LIN9: variants seen among roughly 807,000 people sequenced by gnomAD.
LIN9 encodes the protein protein lin-9 homolog.
Under a neutral mutation model 78.0 loss-of-function variants are expected in LIN9, and 18 were observed. The ratio of observed to expected loss-of-function variants is 0.23; its 90% CI spans 0.16 to 0.34. The LOEUF (loss-of-function observed/expected upper bound fraction) is 0.34, where lower values mean the gene tolerates loss of function less well. LIN9 is among the 10% of genes least tolerant of loss of function. The pLI is 1.00. For missense variants in LIN9, 451 were observed against 644.1 expected (o/e 0.70, Z 3.25); for synonymous variants, 192 against 215.2 (o/e 0.89, Z 0.94).
intron 10 of LIN9, among the ~76,000 whole-genome samples, chr1:226,262,239 A>T (rs1455126991): frequency 6.6e-6 from 1 of 152,244 alleles, no homozygotes; most frequent in Non-Finnish European, 1.5e-5. Flanking sequence ...TTTAGATATG[A>T]CATCAAGGGC....
intron 10 of LIN9, among the ~76,000 whole-genome samples, chr1:226,264,718 G>A (rs1006882092): frequency 6.6e-6 from 1 of 152,006 alleles, no homozygotes; most frequent in Non-Finnish European, 1.5e-5. Flanking sequence ...GCATAGTGGT[G>A]CATGCCTGTA....
intron 11 of LIN9, among the ~76,000 whole-genome samples, chr1:226,241,630 G>T (rs533806203): frequency 6.6e-6 from 1 of 152,030 alleles, no homozygotes; most frequent in Non-Finnish European, 1.5e-5. Flanking sequence ...AGGCTGAGGC[G>T]GGTGGATCAC....
Position 226,295,923 on chromosome 1 carries a change from A to C in LIN9, c.183T>G (p.Ser61Arg). 1 of 1,611,854 alleles carries C rather than the reference A, an allele frequency of 6.2e-7. No individual in the cohort carries two copies. The highest frequency in any genetic ancestry group is 8.5e-7 in the Non-Finnish European group (1 of 1,179,198). ...VEMPFRNSKR[S>R]RLFSDEDDRQ... ...TATCATCTTCATCAGAAAAAAGTCG[A>C]CTTCGTTTTGAATTTCTGAAAGGCT... Residue 61 changes from serine (S) to arginine (R), a missense_variant, in exon 4 of 15, where the codon AGT becomes AGG. Physicochemically the swap from Ser to Arg is moderately radical, Grantham distance 110. Transcript: ENST00000681046.
chr1:226,295,883 T>G lies in LIN9; in HGVS notation c.223A>C (p.Arg75=). The G allele has an allele frequency of 6.2e-7, 1 of 1,613,504 alleles. No individual in the cohort carries two copies. Among genetic ancestry groups the G allele is most frequent in the Non-Finnish European group, 8.5e-7 (1 of 1,179,786 alleles). Residue 75 remains arginine, a synonymous_variant, in exon 4 of 15, where the codon AGG becomes CGG. Transcript: ENST00000681046. ...SDEDDRQINT[R]SPKRNQRVAM... ...ACCCTCTGGTTTCTTTTAGGTGACC[T>G]TGTATTTATTTGCCTATCATCTTCA...
chr1:226,294,804 CT>C (rs895301335), intron 4 of LIN9, among the ~76,000 whole-genome samples: 162 of 145,368 alleles, frequency 1.1e-3, no homozygotes, highest in Middle Eastern at 3.6e-3. Context: ...TACATGTCTA[CT>C]TTTTTTTTTT....
intron 4 of LIN9, among the ~76,000 whole-genome samples, chr1:226,289,834 C>CGGGGG (rs967358215): frequency 2.9e-3 from 35 of 12,034 alleles, no homozygotes; most frequent in South Asian, 9.9e-3. Flanking sequence ...AGTAGTCCTC[C>CGGGGG]GGGGGGGGGG....
chr1:226,234,072 C>T (rs1489624447), intron 12 of LIN9, among the ~76,000 whole-genome samples: 1 of 152,148 alleles, frequency 6.6e-6, no homozygotes, highest in Non-Finnish European at 1.5e-5. Flanking sequence ...TTAGAAGGCA[C>T]GTGATGTTGA....
In LIN9 at chr1:226,278,382, T is replaced by C. The variant is rs985074173; in HGVS notation, c.525-450A>G. Among the ~76,000 whole-genome samples the C allele has an allele frequency of 9.3e-5, 14 of 150,732 alleles. No homozygotes were observed. The East Asian group carries it at 2.6e-3, about 28-fold the overall frequency. ...AGGCGGAGGTTGCAGTGAGCTGAGA[T>C]TGCGCCACTGCACTCCAGCCTGGGC... is the stretch of plus-strand genomic sequence containing the variant. On this transcript the variant is annotated intron_variant, in intron 6 of 14. Coordinates refer to ENST00000681046, the MANE Select transcript of LIN9 (RefSeq NM_001366245.2).
chr1:226,306,520 G>C (rs1266811100), intron 1 of LIN9, among the ~76,000 whole-genome samples: 1 of 152,156 alleles, frequency 6.6e-6, no homozygotes, highest in African/African-American at 2.4e-5. Flanking sequence ...AAACAGGCAA[G>C]AGATATCAAG....
At chr1:226,263,704 A>G (rs919248941) in intron 10 of LIN9, among the ~76,000 whole-genome samples, 4 of 152,222 alleles carry the variant, frequency 2.6e-5, no homozygotes, top group South Asian at 4.1e-4. Context: ...CACATTTTCA[A>G]TCTTTCATAT....
At position 226,266,272 on chromosome 1, in the gene LIN9, G is replaced by A. The variant is rs1400923124; in HGVS notation, c.877C>T (p.Arg293Ter). 1.2e-6 allele frequency: 2 copies of A among 1,601,894 alleles called. No homozygotes were observed. The highest frequency in any genetic ancestry group is 1.7e-5 in the Admixed American group (1 of 59,442). The stretch of plus-strand genomic sequence containing the variant: ...AACCGTGGTGGGGTCATAAAAAATC[G>A]AGAAGGCCGCTGTTTTTGTCCAAAG... ...AAFGQKQRPS[R>*]FFMTPPRLHY... Residue 293 changes from arginine (R) to a stop codon, truncating the protein, a stop_gained, in exon 9 of 15, where the codon CGA (arginine) becomes TGA (stop). Coordinates refer to ENST00000681046, the MANE Select transcript of LIN9 (RefSeq NM_001366245.2). LOFTEE classifies it high-confidence loss of function.
At chr1:226,236,753 G>A (rs567676868) in intron 12 of LIN9, among the ~76,000 whole-genome samples, 67 of 152,162 alleles carry the variant, frequency 4.4e-4, no homozygotes, top group Non-Finnish European at 8.5e-4. Flanking sequence ...CACCGCACCC[G>A]GCGTGTCTGA....
At chr1:226,274,495 T>A (rs994481557) in intron 7 of LIN9, among the ~76,000 whole-genome samples, 2 of 152,166 alleles carry the variant, frequency 1.3e-5, no homozygotes, top group African/African-American at 4.8e-5. Context: ...GGGTTCAGAG[T>A]ATCTTAGATC....
In LIN9 at chr1:226,253,767, T is replaced by G. The variant is rs182679558; in HGVS notation, c.1039-2848A>C. 1.1e-3 allele frequency among the ~76,000 whole-genome samples: 170 copies of G among 151,896 alleles called. 1 individual carries two copies. The highest frequency in any genetic ancestry group is 3.8e-3 in the African/African-American group (157 of 41,462). On this transcript the variant is annotated intron_variant, in intron 10 of 14. Coordinates refer to ENST00000681046, the MANE Select transcript of LIN9 (RefSeq NM_001366245.2). ...CCCATCTCTACTAAAAATACAAAAT[T>G]TAGCCGGCATGATGGCAGGCACCTG... is the stretch of plus-strand genomic sequence containing the variant.
At chr1:226,284,037 T>A (rs1661247505) in intron 6 of LIN9, among the ~76,000 whole-genome samples, 1 of 152,178 alleles carries the variant, frequency 6.6e-6, no homozygotes, top group Admixed American at 6.5e-5. Context: ...TTCTTTCATT[T>A]AAAAAAATAT....
intron 11 of LIN9, among the ~76,000 whole-genome samples, chr1:226,240,614 C>G (rs754122960): frequency 1.3e-5 from 2 of 152,054 alleles, no homozygotes; most frequent in Non-Finnish European, 2.9e-5. Flanking sequence ...GTCTCGAACT[C>G]CTGACCTCAA....
intron 4 of LIN9, among the ~76,000 whole-genome samples, chr1:226,291,729 T>C (rs907410142): frequency 6.6e-6 from 1 of 152,154 alleles, no homozygotes; most frequent in Non-Finnish European, 1.5e-5. Flanking sequence ...CAATATCTTA[T>C]AGTAACTTTG....
chr1:226,261,356 G>A (rs895821647), intron 10 of LIN9, among the ~76,000 whole-genome samples: 13 of 151,976 alleles, frequency 8.6e-5, no homozygotes, highest in Non-Finnish European at 1.6e-4. Context: ...TGTTTTAGGC[G>A]GGTGACATGA....
At chr1:226,239,140 T>C (rs1427150320) in intron 11 of LIN9, 44 bp from the exon 12 acceptor site, 1 of 1,595,882 alleles carries the variant, frequency 6.3e-7, no homozygotes. Flanking sequence ...GTTTGTTTTT[T>C]AGCAATGCAA....
Sources: allele counts gnomAD v4.1 joint callset (sites outside exome capture counted in the v4.1 genomes callset), GRCh38; gene constraint gnomAD v4.1.1; transcripts MANE v1.5; gene names NCBI Gene and HGNC (gene_info 2026-07-23, HGNC 2026-07-21).